Variants in TENM3 observed in about 807,000 individuals in gnomAD.
TENM3 encodes teneurin-3.
In TENM3, 63 loss-of-function variants were observed where a neutral mutation model predicts 255.1. The observed-to-expected ratio is 0.25, with a 90% CI of 0.20 to 0.30. The LOEUF is 0.30. TENM3 is among the 10% of genes least tolerant of loss of function. The pLI is 1.00. For synonymous variants in TENM3, 1,306 were observed against 1,322.3 expected, an observed-to-expected ratio of 0.99 and a Z score of 0.27; for missense variants, 2,929 against 3,461.1, an observed-to-expected ratio of 0.85 and a Z score of 3.86.
At chr4:182,214,753 A>G (rs1220065270) in intron 1 of TENM3, among the ~76,000 whole-genome samples, 3 of 150,108 alleles carry the variant, frequency 2.0e-5, no homozygotes, top group African/African-American at 2.5e-5. Context: ...AAGAGTTAGG[A>G]AAAAAATGAT....
At chr4:181,824,304 T>C in the TENM3 span, among the ~76,000 whole-genome samples, 1 of 151,316 alleles carries the variant, frequency 6.6e-6, no homozygotes, top group Non-Finnish European at 1.5e-5. Flanking sequence ...TTTTTCTATG[T>C]CACCCAGGCT....
the TENM3 span, among the ~76,000 whole-genome samples, chr4:181,722,156 G>C: frequency 6.6e-6 from 1 of 152,174 alleles, no homozygotes; most frequent in Non-Finnish European, 1.5e-5. Context: ...AGATTCAAAG[G>C]ACACATAGAA....
chr4:182,302,529 C>G (rs549021354), intron 1 of TENM3, among the ~76,000 whole-genome samples: 1 of 152,088 alleles, frequency 6.6e-6, no homozygotes, highest in South Asian at 2.1e-4. Context: ...TCATCTTTCC[C>G]TCTAACAAAA....
intron 6 of TENM3, among the ~76,000 whole-genome samples, chr4:182,658,963 T>G (rs967554313): frequency 6.6e-6 from 1 of 152,200 alleles, no homozygotes; most frequent in African/African-American, 2.4e-5. Context: ...GCCAAGAGCC[T>G]GACAGAAACT....
chr4:182,653,998 T>A, intron 6 of TENM3, 105 bp downstream of exon 6: 1 of 1,088,438 alleles, frequency 9.2e-7, no homozygotes, highest in Non-Finnish European at 1.2e-6. Flanking sequence ...CAGGGAAAAG[T>A]GTTCGAAATT....
At chr4:181,978,310 G>A in the TENM3 span, among the ~76,000 whole-genome samples, 1 of 152,268 alleles carries the variant, frequency 6.6e-6, no homozygotes, top group Non-Finnish European at 1.5e-5. Flanking sequence ...AGGATGAGAA[G>A]GGCTCAGCCA....
the TENM3 span, among the ~76,000 whole-genome samples, chr4:181,541,606 C>T: frequency 6.6e-6 from 1 of 152,164 alleles, no homozygotes; most frequent in South Asian, 2.1e-4. Flanking sequence ...GAAGTTGCTA[C>T]AGCACAAGAG....
intron 3 of TENM3, among the ~76,000 whole-genome samples, chr4:182,562,802 T>G (rs1397033929): frequency 6.6e-6 from 1 of 152,160 alleles, no homozygotes; most frequent in Non-Finnish European, 1.5e-5. Context: ...ACACCGTGCC[T>G]AATTCTCTTC....
chr4:182,433,192 G>A (rs1383140718), intron 3 of TENM3, among the ~76,000 whole-genome samples: 7 of 152,064 alleles, frequency 4.6e-5, no homozygotes, highest in Non-Finnish European at 1.0e-4. Flanking sequence ...ATGGTGAGTG[G>A]GGGAAGACAG....
At chr4:181,714,293 T>A in the TENM3 span, among the ~76,000 whole-genome samples, 1 of 151,478 alleles carries the variant, frequency 6.6e-6, no homozygotes, top group Non-Finnish European at 1.5e-5. Context: ...GAAAAAAAAA[T>A]TAGCTGGGTG....
the TENM3 span, among the ~76,000 whole-genome samples, chr4:181,602,817 A>G: frequency 6.6e-6 from 1 of 152,212 alleles, no homozygotes; most frequent in South Asian, 2.1e-4. Context: ...ATCTGACCAC[A>G]TGCCATTGTT....
the TENM3 span, among the ~76,000 whole-genome samples, chr4:182,114,702 T>C: frequency 0.064 from 9,712 of 152,228 alleles, 356 homozygotes; most frequent in East Asian, 0.18. Flanking sequence ...GTGGGTACTA[T>C]TGGGCAAAAT....
At chr4:182,418,768 GC>G (rs1770571231) in intron 3 of TENM3, among the ~76,000 whole-genome samples, 1 of 152,046 alleles carries the variant, frequency 6.6e-6, no homozygotes, top group African/African-American at 2.4e-5. Context: ...TCGCCATGTT[GC>G]CCAGGCTGGT....
chr4:181,735,315 T>C, the TENM3 span, among the ~76,000 whole-genome samples: 1 of 152,118 alleles, frequency 6.6e-6, no homozygotes, highest in South Asian at 2.1e-4. Flanking sequence ...TAGCATCCCA[T>C]AGAAACAAAT....
intron 1 of TENM3, among the ~76,000 whole-genome samples, chr4:182,196,471 T>C (rs1753840375): frequency 6.6e-6 from 1 of 152,004 alleles, no homozygotes; most frequent in Admixed American, 6.6e-5. Flanking sequence ...AGGGTAAGCC[T>C]CTTCTCAAGG....
At chr4:182,252,736 A>T (rs139130575) in intron 1 of TENM3, among the ~76,000 whole-genome samples, 36 of 152,330 alleles carry the variant, frequency 2.4e-4, no homozygotes, top group Admixed American at 9.8e-4. Flanking sequence ...ACATAAAATG[A>T]CACCTGGCTA....
the TENM3 span, among the ~76,000 whole-genome samples, chr4:181,779,395 G>C: frequency 4.5e-4 from 69 of 151,832 alleles, 1 homozygote; most frequent in Admixed American, 1.1e-3. Context: ...ATAAGGAGGG[G>C]AATTCTGGGA....
chr4:181,688,503 T>C, the TENM3 span, among the ~76,000 whole-genome samples: 3 of 152,202 alleles, frequency 2.0e-5, no homozygotes, highest in African/African-American at 7.2e-5. Flanking sequence ...AAAACATTTT[T>C]TTTTATTCGT....
intron 12 of TENM3, chr4:182,698,273 C>G (rs1462439525): frequency 6.6e-6 from 1 of 152,164 alleles, no homozygotes; most frequent in Admixed American, 6.5e-5. Context: ...CATTCCATTT[C>G]TACTGTTACA....
Sources: allele counts gnomAD v4.1 joint callset (sites outside exome capture counted in the v4.1 genomes callset), GRCh38; gene constraint gnomAD v4.1.1; transcripts MANE v1.5; gene names NCBI Gene and HGNC (gene_info 2026-07-23, HGNC 2026-07-21).